Variants in C2CD5 observed in about 807,000 individuals in gnomAD.
C2CD5 encodes the protein C2 calcium dependent domain containing 5.
In C2CD5, 109 loss-of-function variants were observed where a neutral mutation model predicts 130.3. That is an observed-to-expected ratio of 0.84 (90% CI 0.72 to 0.98). The LOEUF is 0.98. C2CD5 is among the 50% of genes least tolerant of loss of function. C2CD5 has a pLI of 0.00. For synonymous variants in C2CD5, 454 were observed against 429.2 expected, an observed-to-expected ratio of 1.06 and a Z score of -0.71; for missense variants, 996 against 1,261.8, an observed-to-expected ratio of 0.79 and a Z score of 3.19.
At chr12:22,479,294 CA>C (rs1944354136) in intron 14 of C2CD5, among the ~76,000 whole-genome samples, 1 of 151,786 alleles carries the variant, frequency 6.6e-6, no homozygotes, top group Admixed American at 6.6e-5. Flanking sequence ...GGCTGGTCTC[CA>C]ACTCCTGACC....
At chr12:22,528,794 C>T (rs930275967) in intron 3 of C2CD5, among the ~76,000 whole-genome samples, 2 of 152,116 alleles carry the variant, frequency 1.3e-5, no homozygotes, top group East Asian at 3.8e-4. Context: ...AGCTCTGCAA[C>T]CCTTATACTC....
In C2CD5 at chr12:22,525,645, A is replaced by C; in HGVS notation, c.410T>G (p.Phe137Cys). 1 of 1,587,300 alleles carries C rather than the reference A, an allele frequency of 6.3e-7. No homozygotes were observed. Among genetic ancestry groups the C allele is most frequent in the Non-Finnish European group, 8.7e-7 (1 of 1,156,038 alleles). The change falls in exon 5 of 27, where the codon TTT (phenylalanine) becomes TGT (cysteine). Residue 137 changes from phenylalanine (F) to cysteine (C), a missense_variant. Around this residue, in one of 9 missense-constraint regions of C2CD5, gnomAD observed 49 missense variants for 52.0 expected, o/e 0.94. Transcript: ENST00000446597. Reference sequence around the variant, plus strand: ...TTTGACTCCACATGATGACTGCCTAAATCGATTTAAATCATTGAAGAGGTC... The same window carrying C: ...TTTGACTCCACATGATGACTGCCTACATCGATTTAAATCATTGAAGAGGTC... ...KVDLFNDLNRFRQSSCGVKFF... is the reference protein window; with the variant it reads ...KVDLFNDLNRCRQSSCGVKFF...
At chr12:22,508,627 T>C (rs1240143132) in intron 9 of C2CD5, among the ~76,000 whole-genome samples, 1 of 152,128 alleles carries the variant, frequency 6.6e-6, no homozygotes, top group Non-Finnish European at 1.5e-5. Flanking sequence ...AATATAAGTA[T>C]TAAGAAAGAA....
Position 22,544,469 on chromosome 12 carries a change from TG to T in C2CD5, c.-180del. 1 of 221,940 alleles carries T rather than the reference TG, an allele frequency of 4.5e-6. No homozygotes were observed. The highest frequency in any genetic ancestry group is 1.1e-4 in the East Asian group (1 of 8,802). The allele number at this position is 221,940 out of a possible 1,614,324, so 13.7% of individuals were successfully genotyped here. On this transcript the variant is annotated 5_prime_UTR_variant, in exon 1 of 27. It introduces an in-frame stop codon into an upstream open reading frame of the 5' UTR. Transcript: ENST00000446597. ...CCCAGTCAGCATCCCGTTGAGCCTCTGCCGCCCCTGCTTGTCTCTCCTCCCC... is the reference window on the plus strand; with the variant it reads ...CCCAGTCAGCATCCCGTTGAGCCTCTCCGCCCCTGCTTGTCTCTCCTCCCC...
chr12:22,506,866 G>T, intron 9 of C2CD5, 47 bp from the exon 10 acceptor site: 1 of 1,207,270 alleles, frequency 8.3e-7, no homozygotes, highest in Non-Finnish European at 1.2e-6. Flanking sequence ...TGTGTAGAGT[G>T]TAAAAAATTT....
At chr12:22,457,969 A>G (rs1184672487) in intron 24 of C2CD5, among the ~76,000 whole-genome samples, 2 of 152,152 alleles carry the variant, frequency 1.3e-5, no homozygotes, top group Admixed American at 1.3e-4. Context: ...CTTTTAATGT[A>G]CGGTAAGCTC....
chr12:22,471,015 T>C, intron 20 of C2CD5, 104 bp from the exon 21 acceptor site: 1 of 691,716 alleles, frequency 1.4e-6, no homozygotes, highest in Non-Finnish European at 2.5e-6. Context: ...CCAAATACCT[T>C]TTCTGGTTAA....
At chr12:22,501,865 A>G (rs992611935) in intron 10 of C2CD5, among the ~76,000 whole-genome samples, 1 of 152,146 alleles carries the variant, frequency 6.6e-6, no homozygotes, top group African/African-American at 2.4e-5. Flanking sequence ...ATGAGATATT[A>G]TCTAAAATTC....
chr12:22,476,908 C>A (rs1215909340), intron 15 of C2CD5, among the ~76,000 whole-genome samples: 1 of 152,030 alleles, frequency 6.6e-6, no homozygotes, highest in African/African-American at 2.4e-5. Context: ...GTTCAAATAT[C>A]AAAATATAAC....
intron 22 of C2CD5, among the ~76,000 whole-genome samples, chr12:22,466,048 T>A (rs895338605): frequency 6.6e-5 from 10 of 152,080 alleles, no homozygotes; most frequent in African/African-American, 2.4e-4. Flanking sequence ...GGCCCAGGCT[T>A]ACTCTACACT....
chr12:22,497,911 C>CACAT (rs1947251117), intron 10 of C2CD5, among the ~76,000 whole-genome samples: 1 of 103,582 alleles, frequency 9.7e-6, no homozygotes, highest in South Asian at 2.9e-4. Flanking sequence ...CACACATACA[C>CACAT]ACACACACAC....
chr12:22,540,563 AAAT>A (rs1222379868), intron 2 of C2CD5, among the ~76,000 whole-genome samples: 1 of 152,222 alleles, frequency 6.6e-6, no homozygotes, highest in Non-Finnish European at 1.5e-5. Flanking sequence ...TTCCATATTA[AAAT>A]AATAACAACA....
chr12:22,536,995 C>T (rs368146088), intron 2 of C2CD5, among the ~76,000 whole-genome samples: 17 of 152,204 alleles, frequency 1.1e-4, no homozygotes, highest in African/African-American at 3.6e-4. Context: ...TCTAAAGCTG[C>T]TTTATATGAA....
At chr12:22,453,161 G>C (rs1220462616) in intron 26 of C2CD5, among the ~76,000 whole-genome samples, 1 of 152,024 alleles carries the variant, frequency 6.6e-6, no homozygotes, top group Admixed American at 6.6e-5. Context: ...CTTAAGCTCT[G>C]TGTCTGCCAA....
intron 4 of C2CD5, among the ~76,000 whole-genome samples, chr12:22,525,909 T>C (rs1950674403): frequency 6.6e-6 from 1 of 152,204 alleles, no homozygotes; most frequent in Non-Finnish European, 1.5e-5. Context: ...CAATACTTTA[T>C]TTAAAAAATA....
chr12:22,470,116 T>C (rs538727112), intron 21 of C2CD5, among the ~76,000 whole-genome samples: 45 of 152,276 alleles, frequency 3.0e-4, no homozygotes, highest in African/African-American at 1.0e-3. Context: ...GCTTTTGTGA[T>C]ACTTAAACCG....
At position 22,449,695 on chromosome 12, in the gene C2CD5, A is replaced by G; in HGVS notation, c.*65T>C. ...GTTCAATTTTAAGTCTAAGAAGATA[A>G]TTAATGACAAAATAACAGAGATTGA... On this transcript the variant is annotated 3_prime_UTR_variant, in exon 27 of 27. Coordinates refer to ENST00000446597, the MANE Select transcript of C2CD5 (RefSeq NM_001286176.2). 2 of 1,403,486 alleles carry G rather than the reference A, an allele frequency of 1.4e-6. No homozygotes were observed. The highest frequency in any genetic ancestry group is 2.0e-6 in the Non-Finnish European group (2 of 1,006,616). 86.9% of individuals were successfully genotyped at this position (1,403,486 alleles called of 1,614,324 possible).
intron 22 of C2CD5, among the ~76,000 whole-genome samples, chr12:22,466,785 A>C (rs1310088715): frequency 6.6e-6 from 1 of 152,232 alleles, no homozygotes; most frequent in Non-Finnish European, 1.5e-5. Context: ...TTTTAAATGC[A>C]GTATTCAAGG....
chr12:22,505,764 T>C (rs942822602), intron 10 of C2CD5, among the ~76,000 whole-genome samples: 1 of 152,210 alleles, frequency 6.6e-6, no homozygotes, highest in South Asian at 2.1e-4. Context: ...TTTATAATTA[T>C]GGTCCTATGT....
Sources: allele counts gnomAD v4.1 joint callset (sites outside exome capture counted in the v4.1 genomes callset), GRCh38; gene constraint gnomAD v4.1.1; regional missense constraint gnomAD v4.1.1; transcripts MANE v1.5; gene names NCBI Gene and HGNC (gene_info 2026-07-23, HGNC 2026-07-21).